TMEM132C: variants seen among roughly 807,000 people sequenced by gnomAD.
The protein encoded by TMEM132C is transmembrane protein 132C.
Under a neutral mutation model 61.4 loss-of-function variants are expected in TMEM132C, and 29 were observed. That is an observed-to-expected ratio of 0.47 (90% CI 0.35 to 0.64). TMEM132C has a LOEUF of 0.64. Among genes scored for constraint, TMEM132C ranks in the 30% least tolerant of loss-of-function variants. TMEM132C has a pLI of 0.00. For missense variants in TMEM132C, 1,408 were observed against 1,476.9 expected, an observed-to-expected ratio of 0.95 and a Z score of 0.76; for synonymous variants, 656 against 633.1, an observed-to-expected ratio of 1.04 and a Z score of -0.54.
At chr12:128,475,534 G>A (rs1460607699) in intron 2 of TMEM132C, among the ~76,000 whole-genome samples, 2 of 152,042 alleles carry the variant, frequency 1.3e-5, no homozygotes, top group Non-Finnish European at 2.9e-5. Flanking sequence ...TATGCTTTCA[G>A]ATGGTGAATT....
chr12:128,505,719 C>T (rs1872333917), intron 2 of TMEM132C, among the ~76,000 whole-genome samples: 1 of 152,206 alleles, frequency 6.6e-6, no homozygotes, highest in Non-Finnish European at 1.5e-5. Flanking sequence ...CTGGGCGTTG[C>T]CCTGCAAATG....
At chr12:128,272,249 T>G (rs1213720785) in intron 1 of TMEM132C, among the ~76,000 whole-genome samples, 2 of 151,508 alleles carry the variant, frequency 1.3e-5, no homozygotes, top group Non-Finnish European at 2.9e-5. Context: ...GAGTTTTACC[T>G]TTTTCAAAAT....
At chr12:128,637,966 T>A (rs1004859524) in intron 4 of TMEM132C, among the ~76,000 whole-genome samples, 2 of 152,204 alleles carry the variant, frequency 1.3e-5, no homozygotes, top group Non-Finnish European at 2.9e-5. Context: ...TGATTTTAAT[T>A]GAGATTATTT....
chr12:128,355,132 A>C (rs757484318), intron 1 of TMEM132C, among the ~76,000 whole-genome samples: 14 of 152,172 alleles, frequency 9.2e-5, no homozygotes, highest in Non-Finnish European at 1.8e-4. Context: ...TTGAGATATT[A>C]CATTTTAAGC....
chr12:128,305,413 T>C (rs969402891), intron 1 of TMEM132C, among the ~76,000 whole-genome samples: 2 of 152,072 alleles, frequency 1.3e-5, no homozygotes, highest in African/African-American at 4.8e-5. Context: ...TCCCCCAAAT[T>C]GCTCAAGAGC....
chr12:128,587,078 A>G (rs1189355996), intron 3 of TMEM132C, among the ~76,000 whole-genome samples: 1 of 152,262 alleles, frequency 6.6e-6, no homozygotes, highest in Non-Finnish European at 1.5e-5. Context: ...CATCATGTAC[A>G]GCTCCATTCA....
chr12:128,573,980 C>T (rs1339491899), intron 3 of TMEM132C, among the ~76,000 whole-genome samples: 1 of 151,740 alleles, frequency 6.6e-6, no homozygotes, highest in Non-Finnish European at 1.5e-5. Flanking sequence ...GAGGTTTCCC[C>T]AAGGAAAACT....
chr12:128,293,676 C>T (rs1163639158), intron 1 of TMEM132C, among the ~76,000 whole-genome samples: 1 of 152,156 alleles, frequency 6.6e-6, no homozygotes, highest in African/African-American at 2.4e-5. Flanking sequence ...CATTTGTAAA[C>T]TCTCAGGTCT....
At chr12:128,374,852 T>G (rs1423766704) in intron 1 of TMEM132C, among the ~76,000 whole-genome samples, 6 of 138,732 alleles carry the variant, frequency 4.3e-5, no homozygotes, top group African/African-American at 8.2e-5. Context: ...ACCTGGAGGG[T>G]GGAGGTTGCA....
chr12:128,320,262 T>C (rs1872286805), intron 1 of TMEM132C, among the ~76,000 whole-genome samples: 1 of 152,220 alleles, frequency 6.6e-6, no homozygotes, highest in African/African-American at 2.4e-5. Context: ...TCTTTTTCTT[T>C]TTTTTTGCAT....
At chr12:128,537,349 C>G (rs1169528821) in intron 2 of TMEM132C, among the ~76,000 whole-genome samples, 1 of 152,136 alleles carries the variant, frequency 6.6e-6, no homozygotes, top group African/African-American at 2.4e-5. Context: ...TTCCGTTTAG[C>G]CCTCAGGGAG....
intron 1 of TMEM132C, among the ~76,000 whole-genome samples, chr12:128,297,233 A>G (rs1253568506): frequency 6.6e-6 from 1 of 152,156 alleles, no homozygotes; most frequent in Non-Finnish European, 1.5e-5. Context: ...ATAATATGGT[A>G]TTGACTGCTT....
At chr12:128,435,089 A>G (rs935617200) in intron 2 of TMEM132C, among the ~76,000 whole-genome samples, 3 of 152,242 alleles carry the variant, frequency 2.0e-5, no homozygotes, top group Non-Finnish European at 4.4e-5. Flanking sequence ...GACTTTTAGA[A>G]GATGAAGGCA....
intron 3 of TMEM132C, among the ~76,000 whole-genome samples, chr12:128,592,279 C>A (rs977066240): frequency 3.3e-5 from 5 of 152,154 alleles, no homozygotes; most frequent in African/African-American, 1.2e-4. Context: ...TGTATCGCTT[C>A]ACTTATTTTT....
At chr12:128,319,090 A>G (rs1193364) in intron 1 of TMEM132C, among the ~76,000 whole-genome samples, 150,598 of 152,300 alleles carry the variant, frequency 0.99, 74,481 homozygotes, top group East Asian at 1. Context: ...GGGTAAATAC[A>G]ATGTTGGCCA....
At chr12:128,525,317 CTTCTCTCTCTCTCTCTCTCTCTCTCT>C (rs1383426400) in intron 2 of TMEM132C, among the ~76,000 whole-genome samples, 1 of 149,196 alleles carries the variant, frequency 6.7e-6, no homozygotes, top group Non-Finnish European at 1.5e-5. Flanking sequence ...ATCCTTTGCA[CTTCTCTCTCTCTCTCTCTCTCTCTCT>C]TTCTCTCTCT....
chr12:128,686,617 G>A (rs1402124143), intron 5 of TMEM132C, among the ~76,000 whole-genome samples: 1 of 152,094 alleles, frequency 6.6e-6, no homozygotes, highest in Non-Finnish European at 1.5e-5. Context: ...ACAACACTGT[G>A]TAGGCCAAAT....
At chr12:128,271,256 AATAATAATAAT>A (rs1259535343) in intron 1 of TMEM132C, among the ~76,000 whole-genome samples, 2 of 119,558 alleles carry the variant, frequency 1.7e-5, no homozygotes, top group Middle Eastern at 3.9e-3. Flanking sequence ...TTGGTCTCAA[AATAATAATAAT>A]ATAATAATAA....
intron 2 of TMEM132C, among the ~76,000 whole-genome samples, chr12:128,421,602 G>T (rs7966957): frequency 6.6e-6 from 1 of 152,066 alleles, no homozygotes; most frequent in Admixed American, 6.5e-5. Context: ...CACAAAGGAC[G>T]CTCTTCCGTG....
Sources: allele counts gnomAD v4.1 joint callset (sites outside exome capture counted in the v4.1 genomes callset), GRCh38; gene constraint gnomAD v4.1.1; transcripts MANE v1.5; gene names NCBI Gene and HGNC (gene_info 2026-07-23, HGNC 2026-07-21).